Variants in PCDHA6 observed in about 807,000 individuals in gnomAD.
The protein encoded by PCDHA6 is protocadherin alpha 6.
In PCDHA6, 55 loss-of-function variants were observed where a neutral mutation model predicts 60.3. That is an observed-to-expected ratio of 0.91 (90% CI 0.73 to 1.14). The LOEUF is 1.14. Ranked by LOEUF, PCDHA6 falls within the 50% of genes most tolerant of loss-of-function variation. PCDHA6 has a pLI of 0.00. For synonymous variants in PCDHA6, 652 were observed against 557.9 expected (o/e 1.17, Z -2.38); for missense variants, 1,327 against 1,256.5 (o/e 1.06, Z -0.85).
intron 1 of PCDHA6, among the ~76,000 whole-genome samples, chr5:140,838,077 A>ATAGTGT (rs1203070308): frequency 7.4e-5 from 6 of 80,664 alleles, no homozygotes; most frequent in Non-Finnish European, 1.5e-4. Flanking sequence ...ATATATATAT[A>ATAGTGT]GTGTGTGTGT....
chr5:140,856,321 C>G lies in PCDHA6; in HGVS notation c.2394+25836C>G, dbSNP rs544932528. ...TGTTTGTGAATTCTCGGATTGACCG[C>G]GAGGAGCTGTGCGGGCGGAGCGTGG... On this transcript the variant is annotated intron_variant, in intron 1 of 3. Transcript: ENST00000529310. 15 of 1,598,548 alleles carry G rather than the reference C, an allele frequency of 9.4e-6. 2 individuals are homozygous for G. In the Admixed American group the frequency reaches 1.3e-4, roughly 14 times the overall value.
At chr5:140,841,293 T>C in intron 1 of PCDHA6, 3 of 1,494,776 alleles carry the variant, frequency 2.0e-6, no homozygotes, top group Non-Finnish European at 1.8e-6. Flanking sequence ...ATTAAGATAA[T>C]ATTTTCTGAT....
In PCDHA6 at chr5:140,848,285, C is replaced by A. The variant is rs2150408028; in HGVS notation, c.2394+17800C>A. On this transcript the variant is annotated intron_variant, in intron 1 of 3. Coordinates refer to ENST00000529310, the MANE Select transcript of PCDHA6 (RefSeq NM_018909.4). ...TTTATTCATGAAATATGTACTTACA[C>A]TTTGGGCCACGTGATGTCACTCTTT... 1.5e-5 allele frequency: 9 copies of A among 616,904 alleles called. 3 individuals are homozygous for A. The highest frequency in any genetic ancestry group is 2.6e-5 in the Non-Finnish European group (9 of 351,312). 38.2% of individuals were successfully genotyped at this position (616,904 alleles called of 1,614,324 possible).
intron 1 of PCDHA6, among the ~76,000 whole-genome samples, chr5:140,880,167 G>A (rs1363011800): frequency 2.0e-5 from 3 of 152,160 alleles, no homozygotes; most frequent in African/African-American, 7.2e-5. Context: ...TATGTTAGAA[G>A]TTAAACATGA....
intron 1 of PCDHA6, chr5:140,836,001 G>A (rs1405342443): frequency 2.3e-5 from 37 of 1,613,232 alleles, no homozygotes; most frequent in Non-Finnish European, 2.9e-5. Context: ...CGCGCGCGAT[G>A]CGGGCGTGCC....
intron 1 of PCDHA6, chr5:140,967,112 C>G: frequency 6.2e-7 from 1 of 1,612,994 alleles, no homozygotes; most frequent in Non-Finnish European, 8.5e-7. Context: ...GCAGCGGCCT[C>G]GCTGCCTGCT....
chr5:140,910,142 A>T (rs535162246), intron 1 of PCDHA6, among the ~76,000 whole-genome samples: 1 of 152,326 alleles, frequency 6.6e-6, no homozygotes, highest in South Asian at 2.1e-4. Context: ...TTAAGTCTGG[A>T]AATTGATTGA....
At chr5:140,834,438 A>G (rs2150217991) in intron 1 of PCDHA6, 1 of 1,606,228 alleles carries the variant, frequency 6.2e-7, no homozygotes, top group South Asian at 1.1e-5. Flanking sequence ...GCTGTTTATT[A>G]TAATTCTAGC....
At chr5:140,995,352 C>T (rs976879377) in intron 3 of PCDHA6, among the ~76,000 whole-genome samples, 2 of 152,006 alleles carry the variant, frequency 1.3e-5, no homozygotes, top group Non-Finnish European at 2.9e-5. Context: ...ATGGATAGGT[C>T]GGACAGAGGG....
chr5:140,967,003 C>T, intron 1 of PCDHA6: 1 of 1,605,342 alleles, frequency 6.2e-7, no homozygotes, highest in South Asian at 1.1e-5. Context: ...GCTTGCGCAT[C>T]AACCATCTGG....
Position 140,926,904 on chromosome 5 carries a change from T to G in PCDHA6, c.2395-52045T>G, listed in dbSNP as rs150445810. Reference sequence around the variant, plus strand: ...CGCCTAGAGGGAGGATGGTGGGCTGTGGGGTGGCAGTTTTATGTTTGTGGG... The same window carrying G: ...CGCCTAGAGGGAGGATGGTGGGCTGGGGGGTGGCAGTTTTATGTTTGTGGG... On this transcript the variant is annotated intron_variant, in intron 1 of 3. Transcript: ENST00000529310. 5,017 of 1,557,626 alleles carry G rather than the reference T, an allele frequency of 3.2e-3. 25 individuals carry two copies. Among genetic ancestry groups the G allele is most frequent in the African/African-American group, 0.019 (1,427 of 73,544 alleles).
At chr5:140,860,793 A>G (rs1012928413) in intron 1 of PCDHA6, 3 of 152,166 alleles carry the variant, frequency 2.0e-5, no homozygotes, top group Non-Finnish European at 4.4e-5. Context: ...GCTGGAGTGC[A>G]GTGGCACGAT....
chr5:140,877,112 G>A, intron 1 of PCDHA6: 1 of 1,613,670 alleles, frequency 6.2e-7, no homozygotes, highest in Non-Finnish European at 8.5e-7. Flanking sequence ...CCTCTGGGCA[G>A]CAACGTGACG....
intron 1 of PCDHA6, chr5:140,858,817 G>T: frequency 2.9e-6 from 1 of 345,470 alleles, no homozygotes; most frequent in African/African-American, 2.2e-5. Flanking sequence ...TGATTTGATT[G>T]TATTTGCATT....
In PCDHA6 at chr5:140,855,001, ATAT is replaced by A. The variant is rs1304130287; in HGVS notation, c.2394+24520_2394+24522del. On this transcript the variant is annotated intron_variant, in intron 1 of 3. Transcript: ENST00000529310. Reference sequence around the variant, plus strand: ...TTAAGATTCTTTTTGCCCGTGTAAGATATTATAAAATGAAACTTCTTGTATAAA... The same window carrying A: ...TTAAGATTCTTTTTGCCCGTGTAAGATATAAAATGAAACTTCTTGTATAAA... Among the ~76,000 whole-genome samples the A allele has an allele frequency of 2.0e-5, 3 of 149,948 alleles. 1 individual carries two copies. The highest frequency in any genetic ancestry group is 4.5e-5 in the Non-Finnish European group (3 of 67,104).
chr5:140,871,160 C>A, intron 1 of PCDHA6: 1 of 1,613,470 alleles, frequency 6.2e-7, no homozygotes, highest in Non-Finnish European at 8.5e-7. Context: ...GCGGGCGCCG[C>A]GAGCCCAGAG....
At chr5:140,901,284 G>T (rs868936344) in intron 1 of PCDHA6, among the ~76,000 whole-genome samples, 1 of 152,046 alleles carries the variant, frequency 6.6e-6, no homozygotes, top group Admixed American at 6.6e-5. Flanking sequence ...AGAAATTTTT[G>T]CCCAGACTGA....
At chr5:140,955,385 G>A (rs1416235573) in intron 1 of PCDHA6, among the ~76,000 whole-genome samples, 4 of 152,216 alleles carry the variant, frequency 2.6e-5, no homozygotes, top group South Asian at 4.1e-4. Flanking sequence ...GAATCATGGG[G>A]GCAATTATCC....
At chr5:140,952,654 G>T (rs541888180) in intron 1 of PCDHA6, among the ~76,000 whole-genome samples, 4 of 152,270 alleles carry the variant, frequency 2.6e-5, no homozygotes, top group African/African-American at 9.6e-5. Context: ...TGGTTACCCA[G>T]TTCCAAAGTC....
Sources: gnomAD v4.1 joint callset for allele counts (sites outside exome capture counted in the v4.1 genomes callset) on GRCh38, gnomAD v4.1.1 for gene constraint, MANE v1.5 for transcripts, NCBI Gene and HGNC (gene_info 2026-07-23, HGNC 2026-07-21) for gene names.